Variants in NAV1 observed in about 807,000 individuals in gnomAD.
The protein encoded by NAV1 is neuron navigator 1, also known as pore membrane and/or filament interacting like protein 3.
Under a neutral mutation model 175.2 loss-of-function variants are expected in NAV1, and 18 were observed. The ratio of observed to expected loss-of-function variants is 0.10; its 90% confidence interval spans 0.07 to 0.15. NAV1 has a LOEUF of 0.15. Ranked by LOEUF, NAV1 falls within the 10% of genes least tolerant of loss-of-function variation. The pLI, the probability that NAV1 is intolerant of heterozygous loss-of-function variation, is 1.00. For missense variants in NAV1, 1,731 were observed against 2,436.6 expected, an observed-to-expected ratio of 0.71 and a Z score of 6.10; for synonymous variants, 897 against 978.7, an observed-to-expected ratio of 0.92 and a Z score of 1.56.
At chr1:201,773,858 T>C (rs1675756874) in intron 3 of NAV1, among the ~76,000 whole-genome samples, 1 of 152,216 alleles carries the variant, frequency 6.6e-6, no homozygotes, top group Non-Finnish European at 1.5e-5. Flanking sequence ...TTCTTCATCT[T>C]CATTGTCCTG....
chr1:201,658,336 C>T (rs1446233035), intron 1 of NAV1, among the ~76,000 whole-genome samples: 1 of 152,000 alleles, frequency 6.6e-6, no homozygotes, highest in Non-Finnish European at 1.5e-5. Flanking sequence ...GAAAGGGCAA[C>T]TGAGGGCTCG....
In NAV1 at chr1:201,563,266, G is replaced by A. The variant is rs624305; in HGVS notation, c.-144+23924G>A. ...ATTTGTCCTCAGGAAACAGCCCCTC[G>A]AAGAGCGTCCGGACGCCGGGACCCA... On this transcript the variant is annotated intron_variant, in intron 1 of 33. Transcript: ENST00000685211. Among the ~76,000 whole-genome samples, 544 of 152,284 alleles carry A rather than the reference G, an allele frequency of 3.6e-3. 5 individuals carry two copies. The highest frequency in any genetic ancestry group is 0.012 in the African/African-American group (519 of 41,568).
chr1:201,643,668 C>T (rs1251616227), upstream of NAV1, among the ~76,000 whole-genome samples: 2 of 152,164 alleles, frequency 1.3e-5, no homozygotes, highest in Non-Finnish European at 2.9e-5. Flanking sequence ...TTGCCTCAGC[C>T]TCCCAAAGTG....
At chr1:201,582,904 C>T (rs1418766682) in intron 1 of NAV1, among the ~76,000 whole-genome samples, 1 of 152,254 alleles carries the variant, frequency 6.6e-6, no homozygotes, top group Non-Finnish European at 1.5e-5. Flanking sequence ...GCAGACTGCT[C>T]TCCTTCTGAG....
intron 1 of NAV1, among the ~76,000 whole-genome samples, chr1:201,691,129 G>C (rs1424361689): frequency 1.3e-5 from 2 of 152,160 alleles, no homozygotes; most frequent in Non-Finnish European, 2.9e-5. Context: ...CTTTGCTATA[G>C]AGGGCTGTCC....
intron 1 of NAV1, among the ~76,000 whole-genome samples, chr1:201,684,146 G>A (rs1311232385): frequency 6.6e-6 from 1 of 152,028 alleles, no homozygotes; most frequent in Non-Finnish European, 1.5e-5. Flanking sequence ...GGCCCTACAA[G>A]ATGCTCTAGG....
chr1:201,567,630 G>A (rs1666394554), intron 1 of NAV1, among the ~76,000 whole-genome samples: 1 of 152,174 alleles, frequency 6.6e-6, no homozygotes, highest in Non-Finnish European at 1.5e-5. Flanking sequence ...AGAGGCACAG[G>A]GAGATGGAAC....
exon 22 of NAV1, chr1:201,809,503 A>C (rs372973295): frequency 6.2e-7 from 1 of 1,614,046 alleles, no homozygotes; most frequent in African/African-American, 1.3e-5. Flanking sequence ...GTTGACTGGA[A>C]GATGCTGGAT....
intron 17 of NAV1, among the ~76,000 whole-genome samples, chr1:201,806,292 T>TACTAA (rs543247634): frequency 5.5e-4 from 84 of 152,300 alleles, no homozygotes; most frequent in Middle Eastern, 3.4e-3. Context: ...GCCTAAGTAC[T>TACTAA]GCATTTTCTA....
intron 2 of NAV1, among the ~76,000 whole-genome samples, chr1:201,616,875 C>T (rs1668018384): frequency 2.0e-5 from 3 of 152,188 alleles, no homozygotes; most frequent in African/African-American, 7.2e-5. Context: ...TTGCTAGCTC[C>T]TAGAGAGCAG....
upstream of NAV1, among the ~76,000 whole-genome samples, chr1:201,619,410 C>T (rs2102272382): frequency 6.6e-6 from 1 of 152,126 alleles, no homozygotes; most frequent in South Asian, 2.1e-4. Flanking sequence ...GGAGGAACTC[C>T]CAGGAGAGAT....
chr1:201,797,169 A>G lies in NAV1; in HGVS notation c.3517+2592A>G, dbSNP rs1489047915. 2.0e-5 allele frequency: 3 copies of G among 152,226 alleles called. No homozygotes were observed. The East Asian group carries it at 5.8e-4, about 29-fold the overall frequency. 9.4% of individuals were successfully genotyped at this position (152,226 alleles called of 1,614,324 possible). On this transcript the variant is annotated intron_variant, in intron 15 of 29. Transcript: ENST00000367296. ...TAAATTTTTGTACATGGTATGAGGT[A>G]GGCAGTCTAACTTCATTCTTTTACA...
intron 1 of NAV1, among the ~76,000 whole-genome samples, chr1:201,586,150 C>T (rs1667020618): frequency 6.6e-6 from 1 of 152,090 alleles, no homozygotes; most frequent in African/African-American, 2.4e-5. Flanking sequence ...AGGAAATTCT[C>T]ATATATGCTA....
At chr1:201,685,999 C>A (rs755612538) in intron 1 of NAV1, among the ~76,000 whole-genome samples, 2 of 152,178 alleles carry the variant, frequency 1.3e-5, no homozygotes, top group Non-Finnish European at 2.9e-5. Context: ...GTAAAGGGTA[C>A]CTGAGACAGC....
At chr1:201,594,296 C>T (rs1206310977) in intron 2 of NAV1, among the ~76,000 whole-genome samples, 3 of 152,236 alleles carry the variant, frequency 2.0e-5, no homozygotes, top group African/African-American at 7.2e-5. Flanking sequence ...CATTTCATAG[C>T]CTCTTGGTCA....
intron 2 of NAV1, among the ~76,000 whole-genome samples, chr1:201,606,893 G>A (rs935107950): frequency 6.6e-6 from 1 of 152,124 alleles, no homozygotes; most frequent in Admixed American, 6.5e-5. Flanking sequence ...CAAACAACTC[G>A]GTTAATCTTT....
chr1:201,673,954 G>T (rs1048189070), intron 1 of NAV1: 1 of 152,354 alleles, frequency 6.6e-6, no homozygotes, highest in African/African-American at 2.4e-5. Context: ...CCCAGTCAGT[G>T]CCTTGAAGCG....
chr1:201,804,171 T>A (rs1466369116), intron 16 of NAV1: 1 of 491,572 alleles, frequency 2.0e-6, no homozygotes, highest in Non-Finnish European at 3.7e-6. Flanking sequence ...AAGGACTCTT[T>A]ATTATTACCT....
chr1:201,600,932 C>T (rs1230111973), intron 2 of NAV1, among the ~76,000 whole-genome samples: 2 of 152,212 alleles, frequency 1.3e-5, no homozygotes, highest in South Asian at 4.1e-4. Flanking sequence ...TGGGTCTCTG[C>T]CAAAGCTGTT....
Sources: gnomAD v4.1 joint callset for allele counts (sites outside exome capture counted in the v4.1 genomes callset) on GRCh38, gnomAD v4.1.1 for gene constraint, MANE v1.5 for transcripts, NCBI Gene and HGNC (gene_info 2026-07-23, HGNC 2026-07-21) for gene names.